The following KLRG1 variants were observed in gnomAD, a reference collection of about 807,000 sequenced individuals.
KLRG1 encodes killer cell lectin like receptor G1, also known as killer cell lectin-like receptor subfamily G member 1.
In KLRG1, 16 loss-of-function variants were observed where a neutral mutation model predicts 21.8. The observed-to-expected ratio is 0.73, with a 90% CI of 0.50 to 1.11. The LOEUF is 1.11. KLRG1 is among the 50% of genes most tolerant of loss of function. The probability of loss-of-function intolerance (pLI) is 0.00; values close to 1 mark genes in which losing one functional copy is unlikely to be tolerated. For synonymous variants in KLRG1, 69 were observed against 75.9 expected, an observed-to-expected ratio of 0.91 and a Z score of 0.47; for missense variants, 173 against 218.3, an observed-to-expected ratio of 0.79 and a Z score of 1.31.
At chr12:9,209,460 G>T in the KLRG1 span, among the ~76,000 whole-genome samples, 1 of 151,942 alleles carries the variant, frequency 6.6e-6, no homozygotes, top group African/African-American at 2.4e-5. Context: ...AATATAGAGA[G>T]CAAGATAAAA....
chr12:8,950,167 G>A (rs1946171840), exon 1 of KLRG1: 1 of 152,242 alleles, frequency 6.6e-6, no homozygotes, highest in African/African-American at 2.4e-5. Flanking sequence ...CGAGAGTAGT[G>A]CAGCGACGGG....
chr12:8,961,839 G>T (rs535365746), intron 1 of KLRG1, among the ~76,000 whole-genome samples: 2 of 152,104 alleles, frequency 1.3e-5, no homozygotes, highest in African/African-American at 2.4e-5. Flanking sequence ...TAATCCCAGC[G>T]CATTGAGTGT....
At chr12:9,203,910 G>T in the KLRG1 span, 7 of 1,614,072 alleles carry the variant, frequency 4.3e-6, no homozygotes, top group African/African-American at 6.7e-5. Context: ...CTTCTTAGGG[G>T]CCTCAGTGTG....
chr12:9,030,178 T>TG, the KLRG1 span, among the ~76,000 whole-genome samples: 1 of 152,128 alleles, frequency 6.6e-6, no homozygotes, highest in Non-Finnish European at 1.5e-5. Context: ...TCTTGGATCA[T>TG]TGAGAGGGAA....
At chr12:9,151,784 A>T in the KLRG1 span, 1 of 809,250 alleles carries the variant, frequency 1.2e-6, no homozygotes, top group East Asian at 2.7e-5. Flanking sequence ...AAGAGAAGAA[A>T]GCTAATTGTT....
chr12:9,211,570 T>C, the KLRG1 span, among the ~76,000 whole-genome samples: 2 of 152,240 alleles, frequency 1.3e-5, no homozygotes, highest in Non-Finnish European at 2.9e-5. Context: ...ATTTTGAATT[T>C]TGGGGGGAAA....
chr12:8,957,592 G>A (rs1946316740), intron 1 of KLRG1, among the ~76,000 whole-genome samples: 1 of 151,860 alleles, frequency 6.6e-6, no homozygotes, highest in African/African-American at 2.4e-5. Flanking sequence ...TTATTTAAAG[G>A]AAGCACTTTA....
chr12:9,202,630 C>A, the KLRG1 span: 8 of 1,614,008 alleles, frequency 5.0e-6, no homozygotes, highest in Non-Finnish European at 6.8e-6. Context: ...TGCGTAGGCC[C>A]CTTTATCTGG....
the KLRG1 span, among the ~76,000 whole-genome samples, chr12:9,170,485 G>A: frequency 7.9e-5 from 12 of 152,320 alleles, no homozygotes; most frequent in East Asian, 2.3e-3. This position sits in a 1 kb window ranked among gnomAD's most constrained non-coding sequence, Gnocchi z 4.6. Flanking sequence ...GAGCCAAAGA[G>A]CATCATCCTG....
At chr12:9,020,673 C>T in the KLRG1 span, among the ~76,000 whole-genome samples, 7 of 152,116 alleles carry the variant, frequency 4.6e-5, no homozygotes, top group Admixed American at 1.3e-4. Context: ...CTTTGATGGA[C>T]GTTTAAGTTG....
At chr12:9,101,566 C>T in the KLRG1 span, 1 of 1,613,966 alleles carries the variant, frequency 6.2e-7, no homozygotes, top group Non-Finnish European at 8.5e-7. Context: ...TCAAGGTGGA[C>T]AAAGCTCTTG....
Position 8,993,320 on chromosome 12 carries a change from G to A in KLRG1, c.187+1010G>A, listed in dbSNP as rs759817103. 5.9e-5 allele frequency among the ~76,000 whole-genome samples: 9 copies of A among 151,914 alleles called. No homozygotes were observed. The South Asian group carries it at 6.2e-4, about 11-fold the overall frequency. ...TTTAAAAATTTTGAGACAGAATCTC[G>A]CAATGTTGTTTGGGCTGGAGTGCAA... On this transcript the variant is annotated intron_variant, in intron 2 of 4. Transcript: ENST00000356986.
chr12:9,130,370 A>T, the KLRG1 span, among the ~76,000 whole-genome samples: 3 of 152,154 alleles, frequency 2.0e-5, no homozygotes, highest in African/African-American at 7.2e-5. Flanking sequence ...AGGAAACTTG[A>T]CGGTGTTTTC....
At chr12:9,168,710 A>G in the KLRG1 span, 4 of 617,782 alleles carry the variant, frequency 6.5e-6, no homozygotes, top group East Asian at 5.5e-5. Flanking sequence ...AGTTCTAGCT[A>G]TCACCAGCTA....
At chr12:9,030,287 T>C in the KLRG1 span, among the ~76,000 whole-genome samples, 1 of 152,232 alleles carries the variant, frequency 6.6e-6, no homozygotes, top group South Asian at 2.1e-4. Flanking sequence ...ATTGTTTTTA[T>C]TGTGATAAAG....
Position 8,989,711 on chromosome 12 carries a change from C to G in KLRG1, c.76C>G (p.Gln26Glu), listed in dbSNP as rs745455919. The G allele has an allele frequency of 6.3e-7, 1 of 1,596,484 alleles. No individual in the cohort carries two copies. Among genetic ancestry groups the G allele is most frequent in the Admixed American group, 1.7e-5 (1 of 58,532 alleles). Residue 26 changes from glutamine (Q) to glutamate (E), a missense_variant, in exon 1 of 5, where the codon CAA becomes GAA. Physicochemically the swap from Gln to Glu is conservative, Grantham distance 29 (BLOSUM62 2). Around this residue, in one of 3 missense-constraint regions of KLRG1, gnomAD observed 144 missense variants for 161.5 expected, o/e 0.89. Transcript: ENST00000356986. ...TQAQNDYGPQ[Q>E]KSSSSRPSCS... ...AGCCCAGAATGACTATGGACCACAG[C>G]AAAAATGTGAGTTAACCAAGGTAGC... is the stretch of plus-strand genomic sequence containing the variant.
the KLRG1 span, chr12:9,065,695 C>A: frequency 2.6e-5 from 4 of 152,206 alleles, no homozygotes; most frequent in Non-Finnish European, 4.4e-5. Context: ...GTCCCACCCT[C>A]AAGCTGGTGA....
chr12:9,149,701 C>T, the KLRG1 span: 1 of 1,132,936 alleles, frequency 8.8e-7, no homozygotes, highest in East Asian at 2.5e-5. Context: ...AAAAGCACGC[C>T]CTATCAGAAT....
the KLRG1 span, chr12:9,157,696 T>G: frequency 7.4e-7 from 1 of 1,356,296 alleles, no homozygotes; most frequent in East Asian, 2.3e-5. Context: ...ACTCAACCCT[T>G]AGCAGGGTGG....
Sources: gnomAD v4.1 joint callset for allele counts (sites outside exome capture counted in the v4.1 genomes callset) on GRCh38, gnomAD v4.1.1 for gene constraint, gnomAD v4.1.1 regional missense constraint, Gnocchi (gnomAD v3.1) non-coding constraint, MANE v1.5 for transcripts, NCBI Gene and HGNC (gene_info 2026-07-23, HGNC 2026-07-21) for gene names.